Variants in GMPS observed in about 807,000 individuals in gnomAD.
The protein encoded by GMPS is GMP synthase [glutamine-hydrolyzing].
Under a neutral mutation model 77.9 loss-of-function variants are expected in GMPS, and 15 were observed. That is an observed-to-expected ratio of 0.19 (90% confidence interval 0.13 to 0.30). The LOEUF is 0.30. GMPS is among the 10% of genes least tolerant of loss of function. GMPS has a pLI of 1.00. For synonymous variants in GMPS, 224 were observed against 275.9 expected (o/e 0.81, Z 1.86); for missense variants, 590 against 838.8 (o/e 0.70, Z 3.66).
chr3:155,940,831 CT>C lies in GMPS; in HGVS notation c.*3146del. On this transcript the variant is annotated 3_prime_UTR_variant, in exon 16 of 16. Transcript: ENST00000496455. Reference sequence around the variant, plus strand: ...CACCGTAAAGTTAAATCCTAGTTACCTTTTTTTGAAGCTGTTGGCAAGGTTT... The same window carrying C: ...CACCGTAAAGTTAAATCCTAGTTACCTTTTTTGAAGCTGTTGGCAAGGTTT... The C allele has an allele frequency of 2.3e-5, 5 of 213,180 alleles. No individual in the cohort carries two copies. The highest frequency in any genetic ancestry group is 6.9e-5 in the East Asian group (1 of 14,412). The allele number at this position is 213,180 out of a possible 1,614,324, so 13.2% of individuals were successfully genotyped here. A position where few individuals can be genotyped will look rare whatever the true frequency, so the allele number is the denominator to read the frequency against.
At position 155,870,667 on chromosome 3, in the gene GMPS, T is replaced by A. The variant is rs970557780; in HGVS notation, c.-204T>A. On this transcript the variant is annotated 5_prime_UTR_variant, in exon 1 of 16. Coordinates refer to ENST00000496455, the MANE Select transcript of GMPS (RefSeq NM_003875.3). ...GCGGGGGCAGCGTGCGCGCTGCTGG[T>A]CTTCTCTCCCGCGGCGCTGGGGCCC... 4.0e-6 allele frequency: 2 copies of A among 495,556 alleles called. No individual in the cohort carries two copies. Among genetic ancestry groups the A allele is most frequent in the Non-Finnish European group, 7.2e-6 (2 of 278,928 alleles). 30.7% of individuals were successfully genotyped at this position (495,556 alleles called of 1,614,324 possible). A position where few individuals can be genotyped will look rare whatever the true frequency, so the allele number is the denominator to read the frequency against.
intron 3 of GMPS, 56 bp from the exon 4 acceptor site, chr3:155,903,807 C>A: frequency 1.4e-6 from 1 of 691,482 alleles, no homozygotes; most frequent in Non-Finnish European, 2.5e-6. Context: ...ATCAGTATAA[C>A]AAAATGGGTA....
At chr3:155,927,800 A>G (rs1470340114) in intron 12 of GMPS, among the ~76,000 whole-genome samples, 1 of 152,144 alleles carries the variant, frequency 6.6e-6, no homozygotes, top group Non-Finnish European at 1.5e-5. Flanking sequence ...CACATTGTCA[A>G]CTTTTTTCTT....
At chr3:155,936,269 A>G in intron 14 of GMPS, 69 bp from the exon 15 acceptor site, 3 of 937,488 alleles carry the variant, frequency 3.2e-6, no homozygotes, top group Non-Finnish European at 5.2e-6. Flanking sequence ...GCCTGGGAGG[A>G]TTTAATTGAA....
rs1307102122 is a variant in GMPS at position 155,871,910 on chromosome 3, T to A, written c.27+1013T>A. Among the ~76,000 whole-genome samples, 4 of 152,240 alleles carry A rather than the reference T, an allele frequency of 2.6e-5. No homozygotes were observed. In the South Asian group the frequency reaches 8.3e-4, roughly 31 times the overall value. On this transcript the variant is annotated intron_variant, in intron 1 of 15. Transcript: ENST00000496455. ...GGCACCTTCGCTTTCACCTCTGTAT[T>A]AAAATTTTCATTGGCCTGGAGTTCT... is the stretch of plus-strand genomic sequence containing the variant.
chr3:155,937,128 C>T (rs1484262906), intron 15 of GMPS, among the ~76,000 whole-genome samples: 1 of 152,218 alleles, frequency 6.6e-6, no homozygotes, highest in Non-Finnish European at 1.5e-5. Flanking sequence ...GACAAGTGAG[C>T]AGGCTATCCT....
In GMPS at chr3:155,931,654, A is replaced by G. The variant is rs1319912713; in HGVS notation, c.1561-111A>G. 5.5e-6 allele frequency: 3 copies of G among 546,890 alleles called. No homozygotes were observed. In the Admixed American group the frequency reaches 1.0e-4, roughly 18 times the overall value. 33.9% of individuals were successfully genotyped at this position (546,890 alleles called of 1,614,324 possible). ...TTAATAATGTCACCATGCATAAGAT[A>G]TTTTTCAATGCATCTTTTCTTTTTT... is the stretch of plus-strand genomic sequence containing the variant. On this transcript the variant is annotated intron_variant, in intron 12 of 15. Transcript: ENST00000496455.
In GMPS at chr3:155,911,126, G is replaced by A. The variant is rs1319549723; in HGVS notation, c.733G>A (p.Gly245Ser). ...TTTTACCCCGTAGGTTTTACTCAGT[G>A]GTGGAGTAGACTCAACAGTTTGTAC... Reference protein sequence around the residue: ...GTSKVLVLLSGGVDSTVCTAL... With the variant: ...GTSKVLVLLSSGVDSTVCTAL... Residue 245 changes from glycine to serine, a missense_variant, in exon 7 of 16, where the codon GGT (glycine) becomes AGT (serine). Gly to Ser is a moderately conservative substitution (Grantham distance 56, BLOSUM62 0). Around this residue, in one of 6 missense-constraint regions of GMPS, gnomAD observed 181 missense variants for 186.8 expected, o/e 0.97. Transcript: ENST00000496455. 2.5e-6 allele frequency: 4 copies of A among 1,605,428 alleles called. No homozygotes were observed. Among genetic ancestry groups the A allele is most frequent in the Non-Finnish European group, 3.4e-6 (4 of 1,176,648 alleles).
intron 1 of GMPS, among the ~76,000 whole-genome samples, chr3:155,876,069 C>T (rs1467178552): frequency 6.6e-6 from 1 of 152,112 alleles, no homozygotes; most frequent in Non-Finnish European, 1.5e-5. Flanking sequence ...AAGTAAATGG[C>T]AAAACTCCTG....
chr3:155,931,684 A>T lies in GMPS; in HGVS notation c.1561-81A>T, dbSNP rs35494199. Reference sequence around the variant, plus strand: ...TCAATGCATCTTTTCTTTTTTTTTTAAAAAAAAAAAAAAGCTTTGTCAAGT... The same window carrying T: ...TCAATGCATCTTTTCTTTTTTTTTTTAAAAAAAAAAAAAGCTTTGTCAAGT... On this transcript the variant is annotated intron_variant, in intron 12 of 15. Transcript: ENST00000496455. The T allele has an allele frequency of 0.073, 9,208 of 125,752 alleles. 224 individuals carry two copies. Among genetic ancestry groups the T allele is most frequent in the African/African-American group, 0.16 (4,106 of 25,362 alleles). 7.8% of individuals were successfully genotyped at this position (125,752 alleles called of 1,614,324 possible).
At chr3:155,930,821 A>T (rs957944000) in intron 12 of GMPS, among the ~76,000 whole-genome samples, 5 of 152,030 alleles carry the variant, frequency 3.3e-5, no homozygotes, top group African/African-American at 1.2e-4. Context: ...AATTTTTCAT[A>T]ATTTTATTTT....
chr3:155,912,735 A>G (rs1755073215), intron 7 of GMPS, among the ~76,000 whole-genome samples: 1 of 152,190 alleles, frequency 6.6e-6, no homozygotes, highest in Admixed American at 6.5e-5. Flanking sequence ...GTCCCTGGTA[A>G]CTGACATAGC....
chr3:155,892,911 C>T (rs558386040), intron 1 of GMPS, among the ~76,000 whole-genome samples: 34 of 152,172 alleles, frequency 2.2e-4, no homozygotes, highest in Admixed American at 8.5e-4. Flanking sequence ...GGATTACAGG[C>T]GTGAGCCACC....
chr3:155,921,130 C>A (rs973667754), intron 10 of GMPS, among the ~76,000 whole-genome samples: 6 of 152,148 alleles, frequency 3.9e-5, no homozygotes, highest in Admixed American at 6.6e-5. Context: ...GTACTAGGTA[C>A]ACTGGTGGCT....
intron 3 of GMPS, among the ~76,000 whole-genome samples, chr3:155,901,560 G>A (rs1421373636): frequency 2.0e-5 from 3 of 151,888 alleles, no homozygotes; most frequent in Non-Finnish European, 4.4e-5. Context: ...AGCTTCACTA[G>A]GTAAATGATA....
At chr3:155,900,928 A>G (rs1202615061) in intron 3 of GMPS, among the ~76,000 whole-genome samples, 2 of 152,080 alleles carry the variant, frequency 1.3e-5, no homozygotes, top group African/African-American at 4.8e-5. Flanking sequence ...GACATTCTGA[A>G]ATTTGAGCAA....
intron 1 of GMPS, among the ~76,000 whole-genome samples, chr3:155,876,496 T>G (rs1450798987): frequency 6.6e-6 from 1 of 152,216 alleles, no homozygotes; most frequent in Non-Finnish European, 1.5e-5. Context: ...GAAGGTGGTA[T>G]TAGATATAAG....
chr3:155,913,450 G>T (rs1014434226), intron 7 of GMPS, among the ~76,000 whole-genome samples: 1 of 151,996 alleles, frequency 6.6e-6, no homozygotes. Context: ...CTTCTTTGGG[G>T]CTAAGCTTCT....
At chr3:155,900,565 A>G (rs1378139063) in intron 3 of GMPS, among the ~76,000 whole-genome samples, 3 of 152,170 alleles carry the variant, frequency 2.0e-5, no homozygotes, top group Non-Finnish European at 2.9e-5. Context: ...ATAGTGAAAT[A>G]CGTCTGAAAA....
Sources: gnomAD v4.1 joint callset for allele counts (sites outside exome capture counted in the v4.1 genomes callset) on GRCh38, gnomAD v4.1.1 for gene constraint, gnomAD v4.1.1 regional missense constraint, MANE v1.5 for transcripts, NCBI Gene and HGNC (gene_info 2026-07-23, HGNC 2026-07-21) for gene names.